The following OTOGL variants were observed in gnomAD, a reference collection of about 807,000 sequenced individuals.
OTOGL encodes the protein otogelin-like protein.
A neutral mutation model predicts 318.5 loss-of-function variants in OTOGL; 285 were observed. That is an observed-to-expected ratio of 0.89 (90% CI 0.81 to 0.99). The LOEUF (loss-of-function observed/expected upper bound fraction) is 0.99. Among genes scored for constraint, OTOGL ranks in the 50% least tolerant of loss-of-function variants. The pLI, the probability that OTOGL is intolerant of heterozygous loss-of-function variation, is 0.00. For missense variants in OTOGL, 2,899 were observed against 2,845.6 expected, an observed-to-expected ratio of 1.02 and a Z score of -0.43; for synonymous variants, 987 against 936.5, an observed-to-expected ratio of 1.05 and a Z score of -0.99.
Position 80,252,206 on chromosome 12 carries a change from G to A in OTOGL, c.1285+5G>A, listed in dbSNP as rs765665562. On this transcript the variant is annotated splice_donor_5th_base_variant and intron_variant, in intron 13 of 58. Transcript: ENST00000547103. The stretch of plus-strand genomic sequence containing the variant: ...ATGGATGTTACTGCCCAGATGGTAA[G>A]TGCTTCATGAAGAAACCATGTCTGC... 1 of 1,597,532 alleles carries A rather than the reference G, an allele frequency of 6.3e-7. No homozygotes were observed. The highest frequency in any genetic ancestry group is 8.5e-7 in the Non-Finnish European group (1 of 1,171,280).
chr12:80,252,232 A>C (rs982472534), intron 13 of OTOGL, 31 bp downstream of exon 13: 2 of 1,580,618 alleles, frequency 1.3e-6, no homozygotes, highest in East Asian at 4.6e-5. Context: ...CCATGTCTGC[A>C]CTCATGGAAA....
chr12:80,105,999 A>T (rs1869432820), intron 1 of OTOGL, among the ~76,000 whole-genome samples: 1 of 152,220 alleles, frequency 6.6e-6, no homozygotes, highest in African/African-American at 2.4e-5. Flanking sequence ...TTTAATTGTG[A>T]GACCAAATGT....
intron 38 of OTOGL, among the ~76,000 whole-genome samples, chr12:80,335,549 A>C (rs1009723436): frequency 1.3e-5 from 2 of 152,130 alleles, no homozygotes; most frequent in African/African-American, 4.8e-5. Flanking sequence ...TAAAATTTTA[A>C]TAAAGTATTT....
chr12:80,265,154 A>C lies in OTOGL; in HGVS notation c.2168A>C (p.Tyr723Ser). 6.2e-7 allele frequency: 1 copy of C among 1,613,842 alleles called. No homozygotes were observed. Among genetic ancestry groups the C allele is most frequent in the Non-Finnish European group, 8.5e-7 (1 of 1,179,850 alleles). ...TGCAATGCTCTTGCCCACTATGCCT[A>C]CCTCTGCGGCCAGCACGGTGTTCCC... is the stretch of plus-strand genomic sequence containing the variant. ...CLCNALAHYA[Y>S]LCGQHGVPID... Residue 723 changes from tyrosine (Y) to serine (S), a missense_variant, in exon 20 of 59, where the codon TAC (tyrosine) becomes TCC (serine). Tyr to Ser is a moderately radical substitution (Grantham distance 144). Around this residue, in one of 3 missense-constraint regions of OTOGL, gnomAD observed 2,607 missense variants for 2,524.9 expected, o/e 1.03. Transcript: ENST00000547103.
chr12:80,232,775 A>G, intron 8 of OTOGL, 117 bp from the exon 9 acceptor site: 1 of 939,978 alleles, frequency 1.1e-6, no homozygotes, highest in Non-Finnish European at 1.6e-6. Flanking sequence ...TGCACAGCTT[A>G]TTCAATAATT....
At chr12:80,133,889 T>G (rs1359286429) in intron 1 of OTOGL, among the ~76,000 whole-genome samples, 1 of 152,036 alleles carries the variant, frequency 6.6e-6, no homozygotes. Context: ...GAGCTGAGAC[T>G]GTGCCACTGC....
At chr12:80,234,289 C>A (rs188659553) in intron 9 of OTOGL, among the ~76,000 whole-genome samples, 39 of 152,286 alleles carry the variant, frequency 2.6e-4, no homozygotes, top group Non-Finnish European at 1.3e-4. Flanking sequence ...GTAACTGATA[C>A]TGTCAGGGTT....
intron 1 of OTOGL, among the ~76,000 whole-genome samples, chr12:80,167,497 G>A (rs1457166890): frequency 6.6e-6 from 1 of 152,018 alleles, no homozygotes; most frequent in African/African-American, 2.4e-5. Flanking sequence ...AACAAAGTAA[G>A]AACTATTGAG....
In OTOGL at chr12:80,100,346, A is replaced by G. The variant is rs571382378; in HGVS notation, c.-20+741A>G. 2.6e-5 allele frequency among the ~76,000 whole-genome samples: 4 copies of G among 152,292 alleles called. No individual in the cohort carries two copies. In the South Asian group the frequency reaches 8.3e-4, roughly 32 times the overall value. ...TCTTACTTCTCCTAACAACAACAAA[A>G]ATATGATAAATGCTTGAAGTGATGG... On this transcript the variant is annotated intron_variant, in intron 1 of 58. Transcript: ENST00000547103.
intron 37 of OTOGL, among the ~76,000 whole-genome samples, chr12:80,331,877 T>C (rs1410981271): frequency 6.6e-6 from 1 of 151,408 alleles, no homozygotes; most frequent in African/African-American, 2.4e-5. Flanking sequence ...GGCAAGAGAG[T>C]TGGAGTCAGG....
At chr12:80,191,644 T>C (rs1040598850) in intron 1 of OTOGL, among the ~76,000 whole-genome samples, 1 of 152,198 alleles carries the variant, frequency 6.6e-6, no homozygotes, top group Non-Finnish European at 1.5e-5. Flanking sequence ...TTTAAACAGT[T>C]GGCCTCTTAC....
chr12:80,113,407 C>G (rs1869968350), intron 1 of OTOGL, among the ~76,000 whole-genome samples: 2 of 152,178 alleles, frequency 1.3e-5, no homozygotes, highest in Non-Finnish European at 2.9e-5. Context: ...AAATTTCCCT[C>G]TAAACACTGC....
At chr12:80,211,871 C>T (rs971541975) in intron 3 of OTOGL, 78 bp from the exon 4 acceptor site, 33 of 1,171,644 alleles carry the variant, frequency 2.8e-5, no homozygotes, top group Admixed American at 6.7e-5. Context: ...GAGGAAAACA[C>T]CAGCTCTCTC....
At chr12:80,108,748 T>TA (rs1869605980) in intron 1 of OTOGL, among the ~76,000 whole-genome samples, 1 of 139,862 alleles carries the variant, frequency 7.1e-6, no homozygotes, top group South Asian at 2.2e-4. Context: ...CACATGTATT[T>TA]AAAAAAATAT....
intron 1 of OTOGL, among the ~76,000 whole-genome samples, chr12:80,178,400 AC>A (rs60979299): frequency 0.056 from 8,408 of 151,268 alleles, 751 homozygotes; most frequent in African/African-American, 0.2. Flanking sequence ...GTTTTGGCCA[AC>A]CTCAGGTATT....
Position 80,356,834 on chromosome 12 carries a change from T to G in OTOGL, c.5939T>G (p.Ile1980Ser). 6.3e-7 allele frequency: 1 copy of G among 1,595,298 alleles called. No individual in the cohort carries two copies. The highest frequency in any genetic ancestry group is 8.5e-7 in the Non-Finnish European group (1 of 1,171,486). ...TGTGACCCATTGAAATGCCCCAGTA[T>G]TTCAACACCAGAATGCAGAGAAGAT... The part of the protein sequence containing the change: ...CECDPLKCPS[I>S]STPECREDQF... The change falls in exon 49 of 59, where the codon ATT becomes AGT. Residue 1980 changes from isoleucine (I) to serine (S), a missense_variant. Around this residue, in one of 3 missense-constraint regions of OTOGL, gnomAD observed 2,607 missense variants for 2,524.9 expected, o/e 1.03. Transcript: ENST00000547103.
At position 80,356,864 on chromosome 12, in the gene OTOGL, T is replaced by G. The variant is rs1242080959; in HGVS notation, c.5969T>G (p.Phe1990Cys). The change falls in exon 49 of 59, where the codon TTC becomes TGC. Residue 1990 changes from phenylalanine (F) to cysteine (C), a missense_variant. This residue lies in a region of OTOGL where 2,607 missense variants were observed against 2,524.9 expected (regional missense o/e 1.03). Transcript: ENST00000547103. ...ACACCAGAATGCAGAGAAGATCAATTCATGATTCAAGTTCGACAGGAAGAA... is the reference window on the plus strand; with the variant it reads ...ACACCAGAATGCAGAGAAGATCAATGCATGATTCAAGTTCGACAGGAAGAA... ...ISTPECREDQFMIQVRQEEPC... is the reference protein window; with the variant it reads ...ISTPECREDQCMIQVRQEEPC... 1.2e-6 allele frequency: 2 copies of G among 1,600,414 alleles called. No individual in the cohort carries two copies. The highest frequency in any genetic ancestry group is 1.7e-6 in the Non-Finnish European group (2 of 1,173,166).
intron 58 of OTOGL, among the ~76,000 whole-genome samples, chr12:80,377,491 G>A (rs1891231653): frequency 6.6e-6 from 1 of 152,138 alleles, no homozygotes; most frequent in Non-Finnish European, 1.5e-5. Flanking sequence ...AGCAAAAAGA[G>A]TTCTGCTTCT....
At chr12:80,155,922 C>T (rs183828497) in intron 1 of OTOGL, among the ~76,000 whole-genome samples, 11 of 152,342 alleles carry the variant, frequency 7.2e-5, no homozygotes, top group African/African-American at 2.2e-4. Context: ...CCTCCAGTTA[C>T]GTCCACGTTG....
Sources: allele counts gnomAD v4.1 joint callset (sites outside exome capture counted in the v4.1 genomes callset), GRCh38; gene constraint gnomAD v4.1.1; regional missense constraint gnomAD v4.1.1; transcripts MANE v1.5; gene names NCBI Gene and HGNC (gene_info 2026-07-23, HGNC 2026-07-21).